Variants in ELMO1 observed in about 807,000 individuals in gnomAD.
ELMO1 encodes engulfment and cell motility protein 1.
Under a neutral mutation model 98.9 loss-of-function variants are expected in ELMO1, and 26 were observed. The ratio of observed to expected loss-of-function variants is 0.26; its 90% CI spans 0.19 to 0.36. ELMO1 has a LOEUF of 0.36. Among genes scored for constraint, ELMO1 ranks in the 10% least tolerant of loss-of-function variants. The pLI, the probability that ELMO1 is intolerant of heterozygous loss-of-function variation, is 1.00. For synonymous variants in ELMO1, 346 were observed against 346.0 expected, an observed-to-expected ratio of 1.00 and a Z score of 0.00; for missense variants, 627 against 935.2, an observed-to-expected ratio of 0.67 and a Z score of 4.30.
intron 16 of ELMO1, among the ~76,000 whole-genome samples, chr7:36,953,122 C>T (rs12533622): frequency 0.012 from 1,759 of 151,986 alleles, 38 homozygotes; most frequent in Admixed American, 0.048. Flanking sequence ...CCCGCCACCA[C>T]GCCCGGCTAA....
At chr7:37,292,546 C>G (rs1366517405) in intron 4 of ELMO1, among the ~76,000 whole-genome samples, 1 of 97,690 alleles carries the variant, frequency 1.0e-5, no homozygotes, top group Non-Finnish European at 2.5e-5. Flanking sequence ...AAGTGAGGAG[C>G]GTCTCTGCCC....
intron 1 of ELMO1, among the ~76,000 whole-genome samples, chr7:37,435,388 A>C (rs2131575740): frequency 6.6e-6 from 1 of 152,352 alleles, no homozygotes. Flanking sequence ...CACCCCCTGC[A>C]TACGATCCAA....
intron 16 of ELMO1, among the ~76,000 whole-genome samples, chr7:36,993,580 C>T (rs1792007052): frequency 6.6e-6 from 1 of 152,180 alleles, no homozygotes; most frequent in African/African-American, 2.4e-5. Flanking sequence ...ATTTGACAGG[C>T]TATTCTCAAT....
chr7:36,975,099 G>A (rs921330609), intron 16 of ELMO1, among the ~76,000 whole-genome samples: 5 of 152,170 alleles, frequency 3.3e-5, no homozygotes, highest in African/African-American at 1.2e-4. Flanking sequence ...CACCAATTCC[G>A]GACACAGCAG....
chr7:37,147,863 A>C (rs761649964), intron 13 of ELMO1, among the ~76,000 whole-genome samples: 2 of 150,684 alleles, frequency 1.3e-5, no homozygotes, highest in Admixed American at 6.6e-5. Flanking sequence ...TATTTAGCCC[A>C]GGAAATAAAA....
chr7:36,896,676 G>T (rs1179260677), intron 16 of ELMO1, among the ~76,000 whole-genome samples: 3 of 39,978 alleles, frequency 7.5e-5, no homozygotes, highest in African/African-American at 2.9e-4. Flanking sequence ...CTGGTTTTTT[G>T]TTTGTTTTTT....
intron 16 of ELMO1, among the ~76,000 whole-genome samples, chr7:36,912,922 T>C (rs1784438650): frequency 2.0e-5 from 3 of 152,226 alleles, no homozygotes; most frequent in South Asian, 2.1e-4. Context: ...TGTATATGTA[T>C]GGCACGTATC....
At chr7:37,384,236 T>A (rs1802698826) in intron 1 of ELMO1, among the ~76,000 whole-genome samples, 1 of 152,220 alleles carries the variant, frequency 6.6e-6, no homozygotes, top group South Asian at 2.1e-4. Flanking sequence ...TTACCTCTTT[T>A]AGTAACACAG....
chr7:37,192,923 TA>T (rs1791699366), intron 13 of ELMO1, among the ~76,000 whole-genome samples: 3 of 131,594 alleles, frequency 2.3e-5, no homozygotes, highest in African/African-American at 8.9e-5. Flanking sequence ...TTATATATTA[TA>T]TATAATTTAT....
intron 7 of ELMO1, among the ~76,000 whole-genome samples, chr7:37,241,542 T>C (rs1794766189): frequency 6.6e-6 from 1 of 152,132 alleles, no homozygotes; most frequent in South Asian, 2.1e-4. Flanking sequence ...AACCAACTTG[T>C]TTTCTGTTTG....
chr7:37,395,572 C>T (rs1320200000), intron 1 of ELMO1, among the ~76,000 whole-genome samples: 2 of 151,986 alleles, frequency 1.3e-5, no homozygotes, highest in Non-Finnish European at 2.9e-5. Flanking sequence ...TGATGAGATC[C>T]TTGAGAAAAA....
chr7:37,108,046 G>A (rs1280494871), intron 14 of ELMO1, among the ~76,000 whole-genome samples: 1 of 152,144 alleles, frequency 6.6e-6, no homozygotes, highest in East Asian at 1.9e-4. Context: ...TTATGCACAT[G>A]ACAAGTTAGC....
chr7:37,092,269 C>T (rs184403847), intron 15 of ELMO1, among the ~76,000 whole-genome samples: 8 of 151,774 alleles, frequency 5.3e-5, no homozygotes, highest in Admixed American at 2.6e-4. Context: ...GGCCCTAGAT[C>T]CAGCTGTCAT....
intron 2 of ELMO1, among the ~76,000 whole-genome samples, chr7:37,341,658 CAT>C (rs543464046): frequency 1.5e-4 from 23 of 152,148 alleles, no homozygotes; most frequent in Non-Finnish European, 2.9e-4. Context: ...CGCACAATTC[CAT>C]ATAACTCTCG....
chr7:37,065,185 C>T (rs529497913), intron 15 of ELMO1, among the ~76,000 whole-genome samples: 1 of 151,364 alleles, frequency 6.6e-6, no homozygotes, highest in African/African-American at 2.4e-5. Flanking sequence ...CTACCCCCAC[C>T]CTTTTTTTTT....
intron 15 of ELMO1, among the ~76,000 whole-genome samples, chr7:37,042,433 A>C (rs1795573171): frequency 1.3e-5 from 2 of 151,946 alleles, no homozygotes; most frequent in South Asian, 4.2e-4. Context: ...TTGAATTCTG[A>C]TTTCTTTCTT....
At chr7:36,946,565 C>T (rs1023133396) in intron 16 of ELMO1, among the ~76,000 whole-genome samples, 10 of 152,180 alleles carry the variant, frequency 6.6e-5, no homozygotes, top group Non-Finnish European at 1.0e-4. Flanking sequence ...TGTGTTGCTC[C>T]GTGCCTTCCA....
At position 37,254,210 on chromosome 7, in the gene ELMO1, A is replaced by T. The variant is rs865835645; in HGVS notation, c.413+4971T>A. On this transcript the variant is annotated intron_variant, in intron 6 of 21. Transcript: ENST00000310758. Reference sequence around the variant, plus strand: ...ATAGCGTAACTTTGAATTTACATAAAACAGGAAGGGGGACACCAAAGATGA... The same window carrying T: ...ATAGCGTAACTTTGAATTTACATAATACAGGAAGGGGGACACCAAAGATGA... Among the ~76,000 whole-genome samples the T allele has an allele frequency of 5.3e-5, 8 of 152,284 alleles. No homozygotes were observed. The South Asian group carries it at 1.7e-3, about 32-fold the overall frequency.
At chr7:37,437,183 G>A (rs903494468) in intron 1 of ELMO1, among the ~76,000 whole-genome samples, 3 of 152,106 alleles carry the variant, frequency 2.0e-5, no homozygotes, top group African/African-American at 7.2e-5. Flanking sequence ...AATGACATGG[G>A]GTTTCTCCCA....
Sources: allele counts gnomAD v4.1 joint callset (sites outside exome capture counted in the v4.1 genomes callset), GRCh38; gene constraint gnomAD v4.1.1; transcripts MANE v1.5; gene names NCBI Gene and HGNC (gene_info 2026-07-23, HGNC 2026-07-21).